CELA3B: variants seen among roughly 807,000 people sequenced by gnomAD.
CELA3B encodes the protein chymotrypsin like elastase 3B, also known as chymotrypsin-like elastase family member 3B.
Under a neutral mutation model 37.2 loss-of-function variants are expected in CELA3B, and 34 were observed. The observed-to-expected ratio is 0.91, with a 90% confidence interval of 0.70 to 1.22. CELA3B has a LOEUF of 1.22. CELA3B is among the 50% of genes most tolerant of loss of function. The pLI is 0.00. For synonymous variants in CELA3B, 127 were observed against 143.5 expected (o/e 0.89, Z 0.82); for missense variants, 340 against 363.1 (o/e 0.94, Z 0.52).
At chr1:21,979,452 TC>T (rs66659650) in intron 2 of CELA3B, among the ~76,000 whole-genome samples, 18,952 of 97,728 alleles carry the variant, frequency 0.19, 1,927 homozygotes, top group East Asian at 0.35. Flanking sequence ...TCTTTTCTTT[TC>T]TTTTTTTTTT....
chr1:21,987,543 G>C (rs561154827), intron 7 of CELA3B: 1 of 151,708 alleles, frequency 6.6e-6, no homozygotes, highest in Non-Finnish European at 1.5e-5. Context: ...AGGAGGATCG[G>C]TTGAGCCCTG....
downstream of CELA3B, among the ~76,000 whole-genome samples, chr1:21,989,650 C>T (rs1490311350): frequency 2.0e-5 from 3 of 150,524 alleles, no homozygotes; most frequent in African/African-American, 5.0e-5. Context: ...CTTTTCAATG[C>T]AGGCATATAA....
In CELA3B at chr1:21,997,130, C is replaced by G. The variant is rs531451301; in HGVS notation, c.505-1021C>G. On this transcript the variant is annotated intron_variant, in intron 4 of 4. Transcript: ENST00000400277. ...ATCCTGGCATTTTGGGAGGCTGAGG[C>G]GGGCAGATCATTTGAAGTCAGGAGT... Among the ~76,000 whole-genome samples, 274 of 148,574 alleles carry G rather than the reference C, an allele frequency of 1.8e-3. 8 individuals carry two copies. The highest frequency in any genetic ancestry group is 3.1e-3 in the Non-Finnish European group (208 of 67,118).
chr1:21,993,306 C>T (rs202076803), downstream of CELA3B, among the ~76,000 whole-genome samples: 6 of 97,752 alleles, frequency 6.1e-5, no homozygotes, highest in African/African-American at 1.6e-4. Context: ...AATAAAAATA[C>T]AAAAAATTAG....
chr1:21,983,464 T>C (rs12023741), intron 4 of CELA3B, among the ~76,000 whole-genome samples: 69,756 of 143,986 alleles, frequency 0.48, 14,910 homozygotes, highest in Middle Eastern at 0.64. Flanking sequence ...GAGGATCCCT[T>C]GGCCCAGGAG....
intron 6 of CELA3B, among the ~76,000 whole-genome samples, chr1:21,986,040 T>A (rs1207239590): frequency 3.4e-5 from 4 of 116,142 alleles, no homozygotes; most frequent in East Asian, 2.3e-4. Context: ...CTCATGTAAT[T>A]CCCTAGGCTC....
At chr1:21,984,816 C>T (rs147660842) in intron 6 of CELA3B, among the ~76,000 whole-genome samples, 2,172 of 150,964 alleles carry the variant, frequency 0.014, 64 homozygotes, top group African/African-American at 0.051. Flanking sequence ...GCATGGTGGC[C>T]GGTGCCTGTA....
At chr1:21,989,059 T>G (rs1644857389) in intron 7 of CELA3B, among the ~76,000 whole-genome samples, 1 of 151,916 alleles carries the variant, frequency 6.6e-6, no homozygotes, top group African/African-American at 2.4e-5. Context: ...GAGAGAACCT[T>G]AGTTAACAAT....
downstream of CELA3B, among the ~76,000 whole-genome samples, chr1:21,993,782 T>A (rs201033928): frequency 0.16 from 21,752 of 137,244 alleles, no homozygotes; most frequent in East Asian, 0.32. Flanking sequence ...CAGGCTCAAG[T>A]GATCCACCTA....
intron 4 of CELA3B, among the ~76,000 whole-genome samples, chr1:21,997,965 C>T (rs1437326192): frequency 5.3e-5 from 8 of 151,182 alleles, no homozygotes; most frequent in Non-Finnish European, 7.4e-5. Context: ...AAACAGTCTG[C>T]CCTGTCACCC....
At chr1:21,985,694 A>G (rs35194649) in intron 6 of CELA3B, among the ~76,000 whole-genome samples, 30,101 of 151,798 alleles carry the variant, frequency 0.2, 3,936 homozygotes, top group East Asian at 0.37. Flanking sequence ...GATCGAGACC[A>G]TCCTGGCTAA....
At chr1:21,981,794 C>T (rs926968179) in intron 4 of CELA3B, among the ~76,000 whole-genome samples, 4 of 151,504 alleles carry the variant, frequency 2.6e-5, no homozygotes, top group Non-Finnish European at 4.4e-5. Flanking sequence ...GGCACGATCT[C>T]GGCTCACTGC....
chr1:21,994,728 G>T (rs1206305077), intron 4 of CELA3B, among the ~76,000 whole-genome samples: 3 of 151,040 alleles, frequency 2.0e-5, no homozygotes, highest in African/African-American at 7.4e-5. Flanking sequence ...GGCCAGGCAT[G>T]GTGGCTCAGA....
chr1:21,980,907 C>T lies in CELA3B; in HGVS notation c.213C>T (p.Ala71=), dbSNP rs368685315. 4.3e-5 allele frequency: 69 copies of T among 1,613,488 alleles called. No homozygotes were observed. In the Admixed American group the frequency reaches 5.2e-4, roughly 12 times the overall value. Residue 71 remains alanine (A), a synonymous_variant, in exon 3 of 8, where the codon GCC becomes GCT. Transcript: ENST00000337107. ...TCGCCCCCGACTGGGTTGTGACTGC[C>T]GGCCACTGCATCTCGTGAGTTCTCT... ...SLIAPDWVVT[A]GHCISSSRTY...
At chr1:21,993,592 G>A (rs1325248182), downstream of CELA3B, among the ~76,000 whole-genome samples, 5 of 150,844 alleles carry the variant, frequency 3.3e-5, no homozygotes, top group Middle Eastern at 3.4e-3. Flanking sequence ...TTGTCCGGCT[G>A]GAGTACAGTG....
downstream of CELA3B, among the ~76,000 whole-genome samples, chr1:21,993,875 C>G (rs1228152097): frequency 6.8e-6 from 1 of 146,024 alleles, no homozygotes; most frequent in Non-Finnish European, 1.5e-5. Context: ...AAACCTCCTT[C>G]GACCTCAGCC....
intron 7 of CELA3B, 106 bp downstream of exon 7, chr1:21,986,789 G>C: frequency 7.7e-7 from 1 of 1,292,612 alleles, no homozygotes. Flanking sequence ...GATCCTAGAA[G>C]CTCAGTGGGG....
Position 21,986,431 on chromosome 1 carries a change from G to A in CELA3B, c.643-100G>A, listed in dbSNP as rs538228890. 21 of 1,471,302 alleles carry A rather than the reference G, an allele frequency of 1.4e-5. No homozygotes were observed. In the South Asian group the frequency reaches 2.5e-4, roughly 18 times the overall value. The allele number at this position is 1,471,302 out of a possible 1,614,324, so 91.1% of individuals were successfully genotyped here. ...AATGAGCGAGCTAAGGCTCAGAGGA[G>A]TCAGGTAATGTCGGAGTTTCTCGAA... is the stretch of plus-strand genomic sequence containing the variant. On this transcript the variant is annotated intron_variant, in intron 6 of 7. Coordinates refer to ENST00000337107, the MANE Select transcript of CELA3B (RefSeq NM_007352.4).
intron 6 of CELA3B, among the ~76,000 whole-genome samples, chr1:21,984,861 CACT>C (rs1644828383): frequency 1.3e-5 from 2 of 151,634 alleles, no homozygotes; most frequent in Non-Finnish European, 2.9e-5. Flanking sequence ...ACAGGAGAAT[CACT>C]AGAGCCCAGG....
Sources: gnomAD v4.1 joint callset for allele counts (sites outside exome capture counted in the v4.1 genomes callset) on GRCh38, gnomAD v4.1.1 for gene constraint, MANE v1.5 for transcripts, NCBI Gene and HGNC (gene_info 2026-07-23, HGNC 2026-07-21) for gene names.